SOX13: variants seen among roughly 807,000 people sequenced by gnomAD.
SOX13 encodes the protein transcription factor SOX-13.
A neutral mutation model predicts 71.8 loss-of-function variants in SOX13; 28 were observed. The observed-to-expected ratio is 0.39, with a 90% CI of 0.29 to 0.53. SOX13 has a LOEUF of 0.53. SOX13 is among the 20% of genes least tolerant of loss of function. The pLI, the probability that SOX13 is intolerant of heterozygous loss-of-function variation, is 0.70. For synonymous variants in SOX13, 309 were observed against 317.8 expected, an observed-to-expected ratio of 0.97 and a Z score of 0.29; for missense variants, 627 against 810.3, an observed-to-expected ratio of 0.77 and a Z score of 2.75.
intron 1 of SOX13, among the ~76,000 whole-genome samples, chr1:204,100,872 C>T (rs74138947): frequency 0.035 from 5,307 of 152,172 alleles, 308 homozygotes; most frequent in African/African-American, 0.12. Flanking sequence ...TAGGCTTAAG[C>T]GGGCTGTGCC....
intron 7 of SOX13, among the ~76,000 whole-genome samples, chr1:204,120,296 G>T (rs1656776827): frequency 6.6e-6 from 1 of 152,212 alleles, no homozygotes; most frequent in Admixed American, 6.5e-5. Flanking sequence ...TGAGTGTGGA[G>T]GAGAGCTGTG....
At chr1:204,114,129 G>A (rs1263993596) in intron 2 of SOX13, among the ~76,000 whole-genome samples, 192 bp from the exon 3 acceptor site, 1 of 152,176 alleles carries the variant, frequency 6.6e-6, no homozygotes, top group Non-Finnish European at 1.5e-5. Context: ...CAGGTCTTTT[G>A]TTTTGAAATC....
chr1:204,104,243 A>G (rs1193611718), intron 1 of SOX13, among the ~76,000 whole-genome samples: 3 of 152,088 alleles, frequency 2.0e-5, no homozygotes, highest in Non-Finnish European at 4.4e-5. Flanking sequence ...GAAACAGCCG[A>G]GGGAGTGTTG....
chr1:204,077,844 CT>C lies in SOX13; in HGVS notation c.-2+4134del, dbSNP rs561348780. On this transcript the variant is annotated intron_variant, in intron 1 of 13. Transcript: ENST00000367204. ...TTGTTTGTTTTGAGATAGACTCTTA[CT>C]CTGTCGCCCAGACTGGAGTGCAGTG... 9.0e-3 allele frequency among the ~76,000 whole-genome samples: 1,377 copies of C among 152,268 alleles called. 16 individuals carry two copies. The highest frequency in any genetic ancestry group is 0.013 in the Non-Finnish European group (892 of 68,020).
At chr1:204,115,657 CT>C (rs771014997) in intron 4 of SOX13, among the ~76,000 whole-genome samples, 4,369 of 56,892 alleles carry the variant, frequency 0.077, 57 homozygotes, top group African/African-American at 0.12. Flanking sequence ...GCTTCTTCTT[CT>C]TTTTTTTTTT....
At position 204,082,172 on chromosome 1, in the gene SOX13, T is replaced by C. The variant is rs1655921958; in HGVS notation, c.-2+8461T>C. On this transcript the variant is annotated intron_variant, in intron 1 of 13. Transcript: ENST00000367204. ...ATGTGTGGGGGGCCAGGTGTGTGTG[T>C]GTTTGTGAAGGGCTGAGCGTGATGT... Among the ~76,000 whole-genome samples the C allele has an allele frequency of 2.0e-5, 3 of 149,628 alleles. No homozygotes were observed. The South Asian group carries it at 6.3e-4, about 32-fold the overall frequency.
At chr1:204,087,536 G>A (rs1162619268) in intron 1 of SOX13, among the ~76,000 whole-genome samples, 1 of 152,230 alleles carries the variant, frequency 6.6e-6, no homozygotes, top group African/African-American at 2.4e-5. Flanking sequence ...GAGGTGCTGG[G>A]ACCACCAGTG....
At chr1:204,119,242 A>C (rs1656754681) in intron 7 of SOX13, 1 of 152,284 alleles carries the variant, frequency 6.6e-6, no homozygotes, top group Non-Finnish European at 1.5e-5. Flanking sequence ...CCCCATCTTC[A>C]TCCATTCAGG....
intron 1 of SOX13, among the ~76,000 whole-genome samples, chr1:204,109,682 G>C (rs997607832): frequency 4.6e-5 from 7 of 152,176 alleles, no homozygotes; most frequent in Non-Finnish European, 7.3e-5. Flanking sequence ...TCATCCCGCT[G>C]TATCTGAGAC....
rs934086536 is a variant in SOX13, at chr1:204,082,215, A to ATG, written c.-2+8515_-2+8516dup. 5.4e-5 allele frequency among the ~76,000 whole-genome samples: 8 copies of ATG among 148,338 alleles called. No individual in the cohort carries two copies. The South Asian group carries it at 1.3e-3, about 24-fold the overall frequency. On this transcript the variant is annotated intron_variant, in intron 1 of 13. Transcript: ENST00000367204. Reference sequence around the variant, plus strand: ...CGTGATGTGTGTATCTATGAGTGTGATGTGTGTGTGTGGAGGGCCAGGTGT... The same window carrying ATG: ...CGTGATGTGTGTATCTATGAGTGTGATGTGTGTGTGTGTGGAGGGCCAGGTGT...
At chr1:204,124,539 A>T in intron 12 of SOX13, 102 bp from the exon 13 acceptor site, 1 of 944,856 alleles carries the variant, frequency 1.1e-6, no homozygotes, top group Non-Finnish European at 1.6e-6. Context: ...ATATTATCTT[A>T]TGGACCCACC....
Position 204,121,980 on chromosome 1 carries a change from C to T in SOX13, c.856C>T (p.Leu286=). ...TGGGGCCATGGCCACCCACCACCCC[C>T]TGCAGGTACCGCCCTCTACCCACTG... ...RPGAMATHHP[L]QEPSQPLNLT... The change falls in exon 8 of 14, where the codon CTG becomes TTG. Residue 286 remains leucine, a synonymous_variant. Coordinates refer to ENST00000367204, the MANE Select transcript of SOX13 (RefSeq NM_005686.3). The T allele has an allele frequency of 6.2e-7, 1 of 1,602,028 alleles. No individual in the cohort carries two copies. The highest frequency in any genetic ancestry group is 1.3e-5 in the African/African-American group (1 of 74,846).
chr1:204,092,997 G>T (rs1043958179), intron 1 of SOX13, among the ~76,000 whole-genome samples: 2 of 152,158 alleles, frequency 1.3e-5, no homozygotes, highest in Non-Finnish European at 2.9e-5. Flanking sequence ...TAGTGCGTGG[G>T]AATCTTATCC....
chr1:204,117,934 T>A (rs866932321), intron 7 of SOX13: 35 of 558,198 alleles, frequency 6.3e-5, no homozygotes, highest in Middle Eastern at 9.5e-4. Context: ...TGTAAAATGA[T>A]GTAGCAATCC....
Position 204,114,447 on chromosome 1 carries a change from C to T in SOX13, c.331+15C>T, listed in dbSNP as rs190029987. The T allele has an allele frequency of 1.2e-6, 2 of 1,606,728 alleles. No individual in the cohort carries two copies. The highest frequency in any genetic ancestry group is 4.5e-5 in the East Asian group (2 of 44,836). On this transcript the variant is annotated intron_variant, in intron 3 of 13. Coordinates refer to ENST00000367204, the MANE Select transcript of SOX13 (RefSeq NM_005686.3). ...TTTGAAAGAAGGTAGGATGTCTGCC[C>T]TAGTTAGAAGCAGAGGCCTGAGGCA...
chr1:204,107,121 C>T (rs1412203788), intron 1 of SOX13, among the ~76,000 whole-genome samples: 1 of 152,180 alleles, frequency 6.6e-6, no homozygotes, highest in Non-Finnish European at 1.5e-5. Context: ...TCCTGGACTG[C>T]GCACAACTTA....
intron 1 of SOX13, among the ~76,000 whole-genome samples, chr1:204,082,610 G>T (rs1655932445): frequency 2.0e-5 from 3 of 152,160 alleles, no homozygotes; most frequent in African/African-American, 7.2e-5. Context: ...TCTGGCCAGG[G>T]CAAGGGGCTG....
intron 1 of SOX13, among the ~76,000 whole-genome samples, chr1:204,108,550 T>C (rs1656515206): frequency 6.6e-6 from 1 of 152,204 alleles, no homozygotes; most frequent in South Asian, 2.1e-4. Flanking sequence ...TGGCTGCTGC[T>C]GGGATTTCTG....
At chr1:204,088,808 A>G (rs113861663) in intron 1 of SOX13, among the ~76,000 whole-genome samples, 4,005 of 152,224 alleles carry the variant, frequency 0.026, 164 homozygotes, top group African/African-American at 0.09. Flanking sequence ...TCAGGACACC[A>G]TGCCTGGCAC....
Sources: allele counts gnomAD v4.1 joint callset (sites outside exome capture counted in the v4.1 genomes callset), GRCh38; gene constraint gnomAD v4.1.1; transcripts MANE v1.5; gene names NCBI Gene and HGNC (gene_info 2026-07-23, HGNC 2026-07-21).